MAPK10: variants seen among roughly 807,000 people sequenced by gnomAD.
MAPK10 encodes the protein JNK3 alpha protein kinase.
In MAPK10, 25 loss-of-function variants were observed where a neutral mutation model predicts 59.3. The ratio of observed to expected loss-of-function variants is 0.42; its 90% CI spans 0.31 to 0.59. The LOEUF (loss-of-function observed/expected upper bound fraction) is 0.59, where lower values mean the gene tolerates loss of function less well. MAPK10 is among the 20% of genes least tolerant of loss of function. MAPK10 has a pLI of 0.15. For synonymous variants in MAPK10, 190 were observed against 200.5 expected, an observed-to-expected ratio of 0.95 and a Z score of 0.44; for missense variants, 351 against 568.9, an observed-to-expected ratio of 0.62 and a Z score of 3.90.
At chr4:86,563,967 G>C (rs1326263096) in intron 1 of MAPK10, among the ~76,000 whole-genome samples, 1 of 152,088 alleles carries the variant, frequency 6.6e-6, no homozygotes, top group Non-Finnish European at 1.5e-5. Flanking sequence ...AAGTAGCTAG[G>C]ATTACAGGTG....
At chr4:86,137,053 CA>C (rs1181405234) in intron 4 of MAPK10, among the ~76,000 whole-genome samples, 9 of 151,392 alleles carry the variant, frequency 5.9e-5, no homozygotes, top group Non-Finnish European at 1.2e-4. Flanking sequence ...GAGTGACCTA[CA>C]AAGAGACTTA....
intron 1 of MAPK10, among the ~76,000 whole-genome samples, chr4:86,567,368 G>A (rs535604166): frequency 4.8e-4 from 73 of 152,124 alleles, no homozygotes; most frequent in African/African-American, 1.6e-3. Flanking sequence ...TTACAGGCAT[G>A]CACCACCACG....
At chr4:86,107,590 G>A in intron 4 of MAPK10, 10 of 1,140,158 alleles carry the variant, frequency 8.8e-6, no homozygotes, top group Non-Finnish European at 1.1e-5. Context: ...CAGGAGAAGG[G>A]GGGAAGGAGT....
chr4:86,417,447 C>T (rs1349830168), intron 1 of MAPK10, among the ~76,000 whole-genome samples: 1 of 152,020 alleles, frequency 6.6e-6, no homozygotes, highest in Non-Finnish European at 1.5e-5. Flanking sequence ...AGACCATTTT[C>T]CAAATGTATT....
At chr4:86,523,412 G>A (rs1448240979) in intron 1 of MAPK10, among the ~76,000 whole-genome samples, 1 of 152,184 alleles carries the variant, frequency 6.6e-6, no homozygotes, top group African/African-American at 2.4e-5. Flanking sequence ...CAACAGCACT[G>A]CCTATTCAAA....
At chr4:86,418,363 T>C (rs886541285) in intron 1 of MAPK10, among the ~76,000 whole-genome samples, 1 of 152,214 alleles carries the variant, frequency 6.6e-6, no homozygotes, top group African/African-American at 2.4e-5. Flanking sequence ...GTACTTTTTT[T>C]CCAGTGCCAC....
chr4:86,558,598 A>AT (rs1186899482), intron 1 of MAPK10, among the ~76,000 whole-genome samples: 1 of 152,142 alleles, frequency 6.6e-6, no homozygotes, highest in Non-Finnish European at 1.5e-5. Flanking sequence ...ATCAGTATCA[A>AT]TGTTTCAACA....
chr4:86,251,355 G>A (rs1322016114), intron 2 of MAPK10, among the ~76,000 whole-genome samples: 1 of 151,094 alleles, frequency 6.6e-6, no homozygotes, highest in Non-Finnish European at 1.5e-5. Context: ...TCCCCAGAGT[G>A]TGATATTCCC....
intron 2 of MAPK10, among the ~76,000 whole-genome samples, chr4:86,255,619 CG>C (rs1475074786): frequency 2.6e-5 from 4 of 151,524 alleles, no homozygotes; most frequent in Non-Finnish European, 1.5e-5. Flanking sequence ...CTATATTGAA[CG>C]TTTTTTTAAA....
chr4:86,041,819 G>T (rs1376520887), intron 11 of MAPK10, among the ~76,000 whole-genome samples: 1 of 152,192 alleles, frequency 6.6e-6, no homozygotes, highest in African/African-American at 2.4e-5. Flanking sequence ...GGAAACAACA[G>T]ATGCTGGCGA....
intron 1 of MAPK10, among the ~76,000 whole-genome samples, chr4:86,442,632 T>G (rs938151415): frequency 1.3e-5 from 2 of 152,236 alleles, no homozygotes; most frequent in Non-Finnish European, 2.9e-5. Flanking sequence ...TACTTACACA[T>G]GTATGTATCC....
chr4:86,276,338 T>A (rs1276135755), intron 2 of MAPK10, among the ~76,000 whole-genome samples: 1 of 152,082 alleles, frequency 6.6e-6, no homozygotes, highest in East Asian at 1.9e-4. Flanking sequence ...CCTTTCCTAC[T>A]AACTTTCATT....
At chr4:86,569,338 T>C (rs974164046) in intron 1 of MAPK10, among the ~76,000 whole-genome samples, 2 of 152,180 alleles carry the variant, frequency 1.3e-5, no homozygotes, top group Non-Finnish European at 2.9e-5. Flanking sequence ...GGAACACTTA[T>C]ACACTGTTGG....
chr4:86,316,024 AT>A (rs1472159676), intron 2 of MAPK10, among the ~76,000 whole-genome samples: 2 of 152,030 alleles, frequency 1.3e-5, no homozygotes, highest in Admixed American at 6.6e-5. Flanking sequence ...TTGTCTATAA[AT>A]TTTTTTTAAA....
chr4:86,200,593 A>G (rs1411636410), intron 2 of MAPK10, among the ~76,000 whole-genome samples: 1 of 151,922 alleles, frequency 6.6e-6, no homozygotes, highest in Non-Finnish European at 1.5e-5. Flanking sequence ...TATTATAATA[A>G]TGCTGCTATG....
At chr4:86,124,825 T>C (rs995621763) in intron 4 of MAPK10, 1 of 152,024 alleles carries the variant, frequency 6.6e-6, no homozygotes, top group African/African-American at 2.4e-5. Context: ...ATTTATATTC[T>C]GTGCAGGATT....
chr4:86,278,868 A>G (rs1250137863), intron 2 of MAPK10, among the ~76,000 whole-genome samples: 1 of 152,188 alleles, frequency 6.6e-6, no homozygotes, highest in Non-Finnish European at 1.5e-5. Context: ...CAAGAGACAA[A>G]GAAAGACAAA....
chr4:86,233,909 T>C (rs2091923136), intron 2 of MAPK10, among the ~76,000 whole-genome samples: 1 of 152,192 alleles, frequency 6.6e-6, no homozygotes, highest in South Asian at 2.1e-4. Flanking sequence ...TTCTGAGTTG[T>C]GCATTCCAAC....
At chr4:86,567,617 A>G (rs1476397781) in intron 1 of MAPK10, among the ~76,000 whole-genome samples, 5 of 152,212 alleles carry the variant, frequency 3.3e-5, no homozygotes, top group African/African-American at 2.4e-5. Context: ...CTTCACCACT[A>G]TGTAATATAT....
Sources: gnomAD v4.1 joint callset for allele counts (sites outside exome capture counted in the v4.1 genomes callset) on GRCh38, gnomAD v4.1.1 for gene constraint, MANE v1.5 for transcripts, NCBI Gene and HGNC (gene_info 2026-07-23, HGNC 2026-07-21) for gene names.